The following FGGY variants were observed in gnomAD, a reference collection of about 807,000 sequenced individuals.
The protein encoded by FGGY is FGGY carbohydrate kinase domain containing, also known as FGGY carbohydrate kinase domain-containing protein.
In FGGY, 72 loss-of-function variants were observed where a neutral mutation model predicts 71.3. The observed-to-expected ratio is 1.01, with a 90% confidence interval of 0.84 to 1.23. The LOEUF (loss-of-function observed/expected upper bound fraction) is 1.23, where lower values mean the gene tolerates loss of function less well. Among genes scored for constraint, FGGY ranks in the 50% most tolerant of loss-of-function variants. The pLI, the probability that FGGY is intolerant of heterozygous loss-of-function variation, is 0.00. For synonymous variants in FGGY, 251 were observed against 250.3 expected, an observed-to-expected ratio of 1.00 and a Z score of -0.02; for missense variants, 668 against 682.3, an observed-to-expected ratio of 0.98 and a Z score of 0.23.
intron 4 of FGGY, among the ~76,000 whole-genome samples, chr1:59,367,519 C>T: frequency 6.6e-6 from 1 of 152,206 alleles, no homozygotes; most frequent in Non-Finnish European, 1.5e-5. Context: ...GAGCTGTTCC[C>T]TCCCTTTTGT....
In FGGY at chr1:59,693,270, G is replaced by A. The variant is rs547371268; in HGVS notation, c.1512+19137G>A. ...TGCTTACAGACTGCTTCATCTGAAC[G>A]CATCACTTACATGCTCAGCCTCAGT... On this transcript the variant is annotated intron_variant, in intron 14 of 15. Coordinates refer to ENST00000303721, the MANE Select transcript of FGGY (RefSeq NM_018291.5). 4.6e-5 allele frequency among the ~76,000 whole-genome samples: 7 copies of A among 152,330 alleles called. No individual in the cohort carries two copies. In the South Asian group the frequency reaches 1.2e-3, roughly 27 times the overall value.
At chr1:59,611,297 T>C (rs1378755576) in intron 9 of FGGY, among the ~76,000 whole-genome samples, 1 of 152,086 alleles carries the variant, frequency 6.6e-6, no homozygotes, top group African/African-American at 2.4e-5. Context: ...TACAACCAGG[T>C]ACCCCTCTGA....
intron 13 of FGGY, among the ~76,000 whole-genome samples, chr1:59,668,361 G>A (rs978728453): frequency 6.6e-6 from 1 of 152,190 alleles, no homozygotes; most frequent in Non-Finnish European, 1.5e-5. Context: ...GGCAGGGCAA[G>A]GGGAGGGAAA....
intron 4 of FGGY, among the ~76,000 whole-genome samples, chr1:59,375,520 C>T (rs886446914): frequency 1.3e-5 from 2 of 152,174 alleles, no homozygotes; most frequent in Non-Finnish European, 2.9e-5. Context: ...TCTAGTTGCT[C>T]ATCCCACAAA....
intron 6 of FGGY, among the ~76,000 whole-genome samples, chr1:59,491,505 T>G (rs593029): frequency 0.51 from 77,677 of 151,714 alleles, 20,503 homozygotes; most frequent in African/African-American, 0.64. Flanking sequence ...TTGTTTTTCA[T>G]CTAGTTTGTT....
chr1:59,394,608 A>G (rs1467025382), intron 5 of FGGY, among the ~76,000 whole-genome samples: 1 of 152,108 alleles, frequency 6.6e-6, no homozygotes, highest in Admixed American at 6.5e-5. Context: ...TGTTTTTATT[A>G]TTTGTTGCTG....
intron 11 of FGGY, among the ~76,000 whole-genome samples, chr1:59,656,008 T>C (rs2097214805): frequency 6.6e-6 from 1 of 152,210 alleles, no homozygotes; most frequent in Non-Finnish European, 1.5e-5. Context: ...ATTCATAATC[T>C]AGGAGGTTAA....
chr1:59,625,493 A>C (rs1209065929), intron 9 of FGGY, among the ~76,000 whole-genome samples: 1 of 151,990 alleles, frequency 6.6e-6, no homozygotes, highest in African/African-American at 2.4e-5. Context: ...AAATTTTTTT[A>C]ATGAGGGTTT....
At chr1:59,526,755 A>G (rs1478414827) in intron 7 of FGGY, among the ~76,000 whole-genome samples, 1 of 152,258 alleles carries the variant, frequency 6.6e-6, no homozygotes, top group Non-Finnish European at 1.5e-5. Flanking sequence ...CGAGAGGGGC[A>G]GCGAGAGGCA....
At chr1:59,338,772 T>C (rs1013985185) in intron 2 of FGGY, among the ~76,000 whole-genome samples, 25 of 152,226 alleles carry the variant, frequency 1.6e-4, no homozygotes, top group African/African-American at 6.0e-4. Flanking sequence ...TGAGCAGTGC[T>C]GAAGCTAACC....
chr1:59,711,484 A>T (rs1363880555), intron 14 of FGGY, among the ~76,000 whole-genome samples: 3 of 152,252 alleles, frequency 2.0e-5, no homozygotes, highest in Non-Finnish European at 1.5e-5. Flanking sequence ...ATTGACTGCA[A>T]ACAATTAATG....
At chr1:59,698,838 C>T (rs770809157) in intron 14 of FGGY, 17 of 985,266 alleles carry the variant, frequency 1.7e-5, no homozygotes, top group Non-Finnish European at 2.0e-5. Context: ...TGCCCACAGC[C>T]AAGAGAACAG....
chr1:59,753,762 A>G (rs1156605283), intron 14 of FGGY, among the ~76,000 whole-genome samples: 1 of 151,980 alleles, frequency 6.6e-6, no homozygotes, highest in Non-Finnish European at 1.5e-5. Context: ...CACAAACATG[A>G]TTATTGAGAT....
intron 8 of FGGY, among the ~76,000 whole-genome samples, chr1:59,595,243 C>A (rs921606471): frequency 3.3e-5 from 5 of 152,160 alleles, no homozygotes; most frequent in African/African-American, 1.2e-4. Flanking sequence ...TATGAAACAG[C>A]ACATAGTAGC....
At chr1:59,611,755 A>C (rs1185364792) in intron 9 of FGGY, among the ~76,000 whole-genome samples, 1 of 152,240 alleles carries the variant, frequency 6.6e-6, no homozygotes, top group East Asian at 1.9e-4. Context: ...CCTTGAAAAA[A>C]GATTAGATGA....
chr1:59,511,261 C>A (rs553142730), intron 6 of FGGY, among the ~76,000 whole-genome samples: 66 of 152,252 alleles, frequency 4.3e-4, no homozygotes, highest in African/African-American at 1.5e-3. Flanking sequence ...ACCTCTACCC[C>A]CAGAGGTCCT....
rs1049756769 is a variant in FGGY, at chr1:59,615,712, C to T, written c.1011+7802C>T. Among the ~76,000 whole-genome samples the T allele has an allele frequency of 1.5e-4, 23 of 152,238 alleles. No homozygotes were observed. The Middle Eastern group carries it at 0.01, about 68-fold the overall frequency. ...ACTACCATCAGAGTGAACAGGCAGC[C>T]TACAGAATGGGAGAAAATTTTTGCA... On this transcript the variant is annotated intron_variant, in intron 9 of 15. Coordinates refer to ENST00000303721, the MANE Select transcript of FGGY (RefSeq NM_018291.5).
rs549624996 is a variant in FGGY, at chr1:59,587,398, C to T, written c.904-20405C>T. On this transcript the variant is annotated intron_variant, in intron 8 of 15. Coordinates refer to ENST00000303721, the MANE Select transcript of FGGY (RefSeq NM_018291.5). ...GACAAACAAAAAGACAGCAGTAACC[C>T]CTGCCGACTTAAATGTCCCTGTCTG... 3.2e-4 allele frequency among the ~76,000 whole-genome samples: 48 copies of T among 152,210 alleles called. No homozygotes were observed. In the East Asian group the frequency reaches 8.7e-3, roughly 28 times the overall value.
At chr1:59,432,170 G>A (rs1296894051) in intron 5 of FGGY, among the ~76,000 whole-genome samples, 1 of 152,208 alleles carries the variant, frequency 6.6e-6, no homozygotes, top group African/African-American at 2.4e-5. Context: ...TGAACAAGTG[G>A]AGGTGCCTGG....
Sources: gnomAD v4.1 joint callset for allele counts (sites outside exome capture counted in the v4.1 genomes callset) on GRCh38, gnomAD v4.1.1 for gene constraint, MANE v1.5 for transcripts, NCBI Gene and HGNC (gene_info 2026-07-23, HGNC 2026-07-21) for gene names.